The following CDC42BPA variants were observed in gnomAD, a reference collection of about 807,000 sequenced individuals.
CDC42BPA encodes the protein serine/threonine-protein kinase MRCK alpha.
Under a neutral mutation model 223.5 loss-of-function variants are expected in CDC42BPA, and 80 were observed. That is an observed-to-expected ratio of 0.36 (90% CI 0.30 to 0.43). The LOEUF (loss-of-function observed/expected upper bound fraction) is 0.43, where lower values mean the gene tolerates loss of function less well. CDC42BPA is among the 20% of genes least tolerant of loss of function. The probability of loss-of-function intolerance (pLI) is 1.00; values close to 1 mark genes in which losing one functional copy is unlikely to be tolerated. For missense variants in CDC42BPA, 1,743 were observed against 2,099.9 expected (o/e 0.83, Z 3.32); for synonymous variants, 694 against 718.6 (o/e 0.97, Z 0.55).
At position 227,317,553 on chromosome 1, in the gene CDC42BPA, A is replaced by G. The variant is rs1224298983; in HGVS notation, c.-371T>C. The G allele has an allele frequency of 5.0e-6, 2 of 398,524 alleles. No individual in the cohort carries two copies. The highest frequency in any genetic ancestry group is 8.8e-6 in the Non-Finnish European group (2 of 226,208). The allele number at this position is 398,524 out of a possible 1,614,324, so 24.7% of individuals were successfully genotyped here. A position where few individuals can be genotyped will look rare whatever the true frequency, so the allele number is the denominator to read the frequency against. On this transcript the variant is annotated 5_prime_UTR_variant, in exon 1 of 37. Transcript: ENST00000366766. ...ACTCTTCTCCTTCATTCAAAATTCA[A>G]CTCGTGCAACGTAATCCTGAAACGA...
At chr1:227,261,397 T>C (rs1245320122) in intron 1 of CDC42BPA, among the ~76,000 whole-genome samples, 1 of 150,902 alleles carries the variant, frequency 6.6e-6, no homozygotes, top group Non-Finnish European at 1.5e-5. Context: ...GTTACAGGCC[T>C]GAGCCACTGC....
In CDC42BPA at chr1:227,271,323, T is replaced by C. The variant is rs12567460; in HGVS notation, c.179-17168A>G. Among the ~76,000 whole-genome samples the C allele has an allele frequency of 2.6e-3, 390 of 152,308 alleles. 9 individuals carry two copies. The East Asian group carries it at 0.047, about 19-fold the overall frequency. ...GCAGATATTATCAGTAGAGAAAATC[T>C]GTGAGTGAGAAATTTAGGTAGCAGT... On this transcript the variant is annotated intron_variant, in intron 1 of 36. Transcript: ENST00000366766.
At chr1:227,043,197 G>A (rs571355511) in intron 23 of CDC42BPA, among the ~76,000 whole-genome samples, 14 of 152,060 alleles carry the variant, frequency 9.2e-5, no homozygotes, top group East Asian at 1.9e-4. Flanking sequence ...GGCGGATCAC[G>A]AGGTCCAGAG....
At chr1:227,147,628 T>A in intron 6 of CDC42BPA, 69 bp from the exon 7 acceptor site, 1 of 800,628 alleles carries the variant, frequency 1.2e-6, no homozygotes, top group Non-Finnish European at 1.9e-6. Flanking sequence ...TTACTTAAGA[T>A]ACACAATAGA....
intron 5 of CDC42BPA, among the ~76,000 whole-genome samples, chr1:227,177,203 C>G (rs1217374709): frequency 6.6e-6 from 1 of 151,616 alleles, no homozygotes; most frequent in African/African-American, 2.4e-5. Context: ...TTTCTTCTTT[C>G]CTAAAAATCC....
At chr1:227,025,174 T>C (rs902403485) in intron 31 of CDC42BPA, among the ~76,000 whole-genome samples, 2 of 152,000 alleles carry the variant, frequency 1.3e-5, no homozygotes, top group African/African-American at 4.8e-5. Context: ...ACCCAGGAGA[T>C]GGAGGCTGCA....
chr1:227,033,080 G>A (rs1299903103), intron 27 of CDC42BPA, among the ~76,000 whole-genome samples: 1 of 151,992 alleles, frequency 6.6e-6, no homozygotes, highest in Non-Finnish European at 1.5e-5. Flanking sequence ...TTTAAAAATT[G>A]AATTGGAACT....
chr1:227,150,439 C>T (rs1169274065), intron 6 of CDC42BPA, among the ~76,000 whole-genome samples: 1 of 151,954 alleles, frequency 6.6e-6, no homozygotes, highest in East Asian at 1.9e-4. Flanking sequence ...GAAGTTGTAC[C>T]TTCAAAGTGA....
intron 21 of CDC42BPA, chr1:227,059,359 CAA>C: frequency 1.3e-6 from 2 of 1,559,634 alleles, no homozygotes; most frequent in Non-Finnish European, 1.7e-6. Context: ...ACATAAAGTG[CAA>C]AAGTCTCTTA....
intron 23 of CDC42BPA, among the ~76,000 whole-genome samples, chr1:227,040,536 T>C (rs756314726): frequency 6.6e-6 from 1 of 152,192 alleles, no homozygotes; most frequent in Non-Finnish European, 1.5e-5. Flanking sequence ...AGCTTCAGAA[T>C]TTTAATAAAT....
At chr1:227,076,348 C>T (rs998400207) in intron 17 of CDC42BPA, among the ~76,000 whole-genome samples, 3 of 152,182 alleles carry the variant, frequency 2.0e-5, no homozygotes, top group Non-Finnish European at 4.4e-5. Context: ...CTTCCGTCTC[C>T]TGGGTTCAAG....
intron 1 of CDC42BPA, among the ~76,000 whole-genome samples, chr1:227,272,750 A>G (rs1558923290): frequency 6.6e-6 from 1 of 152,276 alleles, no homozygotes; most frequent in East Asian, 1.9e-4. Flanking sequence ...TTATAAGTTG[A>G]TTTTAAAACA....
chr1:227,121,413 T>A (rs574764509), intron 11 of CDC42BPA, among the ~76,000 whole-genome samples: 1 of 152,340 alleles, frequency 6.6e-6, no homozygotes, highest in Non-Finnish European at 1.5e-5. Flanking sequence ...CTTAAATGTA[T>A]TAGTGTATCA....
chr1:227,296,242 C>G (rs1007116689), intron 1 of CDC42BPA, among the ~76,000 whole-genome samples: 1 of 152,144 alleles, frequency 6.6e-6, no homozygotes, highest in African/African-American at 2.4e-5. Flanking sequence ...CACAACGATG[C>G]TGAGTCCATT....
intron 5 of CDC42BPA, among the ~76,000 whole-genome samples, chr1:227,188,831 G>A (rs907904184): frequency 3.3e-5 from 5 of 152,198 alleles, no homozygotes; most frequent in African/African-American, 9.6e-5. Context: ...CAGAGAACAC[G>A]AATGTAAACA....
intron 21 of CDC42BPA, among the ~76,000 whole-genome samples, chr1:227,067,717 A>T (rs1677391075): frequency 6.6e-6 from 1 of 152,160 alleles, no homozygotes; most frequent in African/African-American, 2.4e-5. Context: ...TTTGTTCAAT[A>T]ATTTTTAAAC....
intron 1 of CDC42BPA, among the ~76,000 whole-genome samples, chr1:227,257,295 A>ATATTTATAATAGAAATAAAG (rs1558886233): frequency 6.6e-6 from 1 of 151,552 alleles, no homozygotes; most frequent in Admixed American, 6.5e-5. Context: ...AATATAATTT[A>ATATTTATAATAGAAATAAAG]ATGCCACTGA....
chr1:227,165,163 C>T (rs1204558525), intron 5 of CDC42BPA, among the ~76,000 whole-genome samples: 6 of 152,080 alleles, frequency 3.9e-5, no homozygotes, highest in African/African-American at 1.4e-4. Context: ...TGGGAGTAAA[C>T]ATGTTTATCT....
chr1:227,130,249 T>C (rs1193566753), intron 10 of CDC42BPA, among the ~76,000 whole-genome samples: 4 of 152,178 alleles, frequency 2.6e-5, no homozygotes, highest in Non-Finnish European at 5.9e-5. Context: ...TATGAGTTAG[T>C]GCAAATCATT....
Sources: gnomAD v4.1 joint callset for allele counts (sites outside exome capture counted in the v4.1 genomes callset) on GRCh38, gnomAD v4.1.1 for gene constraint, MANE v1.5 for transcripts, NCBI Gene and HGNC (gene_info 2026-07-23, HGNC 2026-07-21) for gene names.